Variants in MAGI1 observed in about 807,000 individuals in gnomAD.
MAGI1 encodes membrane-associated guanylate kinase, WW and PDZ domain-containing protein 1.
Under a neutral mutation model 139.9 loss-of-function variants are expected in MAGI1, and 58 were observed. That is an observed-to-expected ratio of 0.41 (90% CI 0.34 to 0.52). The LOEUF (loss-of-function observed/expected upper bound fraction) is 0.52. Among genes scored for constraint, MAGI1 ranks in the 20% least tolerant of loss-of-function variants. The pLI is 0.12. For missense variants in MAGI1, 1,874 were observed against 1,901.6 expected, an observed-to-expected ratio of 0.99 and a Z score of 0.27; for synonymous variants, 812 against 737.9, an observed-to-expected ratio of 1.10 and a Z score of -1.63.
At chr3:65,601,599 C>A (rs2082484679) in intron 2 of MAGI1, among the ~76,000 whole-genome samples, 1 of 152,006 alleles carries the variant, frequency 6.6e-6, no homozygotes, top group Non-Finnish European at 1.5e-5. Context: ...TGAAGTTGGA[C>A]CCCCACCTCC....
intron 1 of MAGI1, among the ~76,000 whole-genome samples, chr3:65,984,709 TTTC>T (rs373468783): frequency 0.58 from 70,976 of 121,966 alleles, 22,521 homozygotes; most frequent in East Asian, 0.85. Context: ...CTAATTTTTT[TTTC>T]TTTTTTTTTT....
At chr3:65,588,344 T>C (rs139499046) in intron 2 of MAGI1, among the ~76,000 whole-genome samples, 1 of 152,296 alleles carries the variant, frequency 6.6e-6, no homozygotes, top group East Asian at 1.9e-4. Flanking sequence ...AGGTGGAGCG[T>C]TTGCATTCAA....
chr3:65,403,046 T>C (rs1945038085), intron 12 of MAGI1, among the ~76,000 whole-genome samples: 1 of 152,174 alleles, frequency 6.6e-6, no homozygotes, highest in East Asian at 1.9e-4. Context: ...TATGGTAGAG[T>C]ATTACTCTTT....
intron 10 of MAGI1, among the ~76,000 whole-genome samples, chr3:65,433,753 C>T (rs1947631840): frequency 6.6e-6 from 1 of 152,004 alleles, no homozygotes; most frequent in South Asian, 2.1e-4. Context: ...AAACTCTGCA[C>T]CTGAATGAAC....
intron 1 of MAGI1, among the ~76,000 whole-genome samples, chr3:66,023,348 T>C (rs1430384568): frequency 6.6e-6 from 1 of 152,172 alleles, no homozygotes; most frequent in African/African-American, 2.4e-5. Context: ...TTTATAGTTT[T>C]AATTTAATAG....
intron 1 of MAGI1, among the ~76,000 whole-genome samples, chr3:65,745,054 A>C (rs2035588446): frequency 6.6e-6 from 1 of 152,038 alleles, no homozygotes; most frequent in East Asian, 1.9e-4. Context: ...AGAATCATAC[A>C]GTGTTGGTCC....
intron 2 of MAGI1, among the ~76,000 whole-genome samples, chr3:65,518,224 C>G (rs2077992613): frequency 6.6e-6 from 1 of 152,120 alleles, no homozygotes; most frequent in South Asian, 2.1e-4. Flanking sequence ...TAAAGTAGAT[C>G]CCCTCTAGTT....
intron 21 of MAGI1, among the ~76,000 whole-genome samples, chr3:65,362,442 A>T (rs555028756): frequency 2.0e-4 from 30 of 152,300 alleles, no homozygotes; most frequent in Admixed American, 2.0e-3. Flanking sequence ...ATGTACCACC[A>T]TGTATCTCCC....
At chr3:65,573,746 C>T (rs902162803) in intron 2 of MAGI1, among the ~76,000 whole-genome samples, 2 of 151,934 alleles carry the variant, frequency 1.3e-5, no homozygotes, top group Admixed American at 1.3e-4. Context: ...TGCAATAAAG[C>T]AAGGAAAGGA....
intron 2 of MAGI1, among the ~76,000 whole-genome samples, chr3:65,585,690 C>G (rs1445946779): frequency 6.6e-6 from 1 of 152,054 alleles, no homozygotes; most frequent in African/African-American, 2.4e-5. Context: ...AAATGAAAAC[C>G]ACTGTTGACA....
chr3:65,656,953 C>G (rs2107351724), intron 1 of MAGI1, among the ~76,000 whole-genome samples: 2 of 124,864 alleles, frequency 1.6e-5, no homozygotes, highest in Admixed American at 2.1e-4. Context: ...GCACTCCAGC[C>G]TGGGTGACAC....
chr3:65,471,283 T>A (rs957180558), intron 4 of MAGI1, among the ~76,000 whole-genome samples: 1 of 152,176 alleles, frequency 6.6e-6, no homozygotes, highest in African/African-American at 2.4e-5. Context: ...TCTGGTTGAA[T>A]TTTTATAGAG....
At chr3:65,702,400 T>C (rs998344291) in intron 1 of MAGI1, among the ~76,000 whole-genome samples, 1 of 152,166 alleles carries the variant, frequency 6.6e-6, no homozygotes, top group African/African-American at 2.4e-5. Flanking sequence ...CATGGGACCA[T>C]GTGCAGGCTA....
chr3:65,679,096 TC>T (rs1214243218), intron 1 of MAGI1, among the ~76,000 whole-genome samples: 1 of 152,128 alleles, frequency 6.6e-6, no homozygotes, highest in African/African-American at 2.4e-5. Flanking sequence ...AAAGCAATTT[TC>T]CCCTACAGTG....
At chr3:65,591,612 C>T (rs1039935517) in intron 2 of MAGI1, among the ~76,000 whole-genome samples, 3 of 152,176 alleles carry the variant, frequency 2.0e-5, no homozygotes, top group Middle Eastern at 3.2e-3. Flanking sequence ...TCTGCAATGG[C>T]TCCTATTTCA....
At chr3:65,476,505 GA>G (rs1950899245) in intron 4 of MAGI1, among the ~76,000 whole-genome samples, 1 of 152,182 alleles carries the variant, frequency 6.6e-6, no homozygotes, top group Non-Finnish European at 1.5e-5. Context: ...GGCTTCTAGA[GA>G]GAGAGATTGA....
At chr3:65,357,578 A>C (rs899762292) in intron 22 of MAGI1, among the ~76,000 whole-genome samples, 3 of 126,724 alleles carry the variant, frequency 2.4e-5, no homozygotes, top group African/African-American at 9.0e-5. Context: ...GTTTTGATTT[A>C]CTTAAAAATA....
At chr3:65,973,066 C>T (rs1655610898) in intron 1 of MAGI1, among the ~76,000 whole-genome samples, 1 of 152,128 alleles carries the variant, frequency 6.6e-6, no homozygotes, top group Admixed American at 6.5e-5. Flanking sequence ...GGGATGATCA[C>T]TTGGGCCCAG....
At chr3:65,463,558 A>ATATGTG (rs1491281941) in intron 5 of MAGI1, among the ~76,000 whole-genome samples, 2 of 140,838 alleles carry the variant, frequency 1.4e-5, no homozygotes, top group South Asian at 2.5e-4. Flanking sequence ...TTGGCCTGAA[A>ATATGTG]TGTGTGTGTG....
Sources: gnomAD v4.1 joint callset for allele counts (sites outside exome capture counted in the v4.1 genomes callset) on GRCh38, gnomAD v4.1.1 for gene constraint, MANE v1.5 for transcripts, NCBI Gene and HGNC (gene_info 2026-07-23, HGNC 2026-07-21) for gene names.